SPOCK1: variants seen among roughly 807,000 people sequenced by gnomAD.
SPOCK1 encodes testican-1.
SPOCK1 carries 23 observed loss-of-function variants against 55.3 expected under a neutral mutation model. The observed-to-expected ratio is 0.42, with a 90% CI of 0.30 to 0.59. SPOCK1 has a LOEUF of 0.59. Among genes scored for constraint, SPOCK1 ranks in the 20% least tolerant of loss-of-function variants. The pLI, the probability that SPOCK1 is intolerant of heterozygous loss-of-function variation, is 0.22. For missense variants in SPOCK1, 499 were observed against 552.5 expected, an observed-to-expected ratio of 0.90 and a Z score of 0.97; for synonymous variants, 226 against 221.0, an observed-to-expected ratio of 1.02 and a Z score of -0.20.
chr5:137,385,458 T>A (rs10479154), intron 2 of SPOCK1, among the ~76,000 whole-genome samples: 19,872 of 152,240 alleles, frequency 0.13, 3,373 homozygotes, highest in African/African-American at 0.4. Context: ...CACTTCAGAC[T>A]TTGCATACAT....
chr5:137,372,950 G>C (rs1751233197), intron 2 of SPOCK1, among the ~76,000 whole-genome samples: 1 of 152,202 alleles, frequency 6.6e-6, no homozygotes, highest in South Asian at 2.1e-4. Flanking sequence ...GCTATGGTTT[G>C]AATGTGTCCA....
chr5:137,313,607 T>C (rs557251215), intron 2 of SPOCK1: 23 of 381,342 alleles, frequency 6.0e-5, no homozygotes, highest in Non-Finnish European at 8.3e-5. Flanking sequence ...TCCCAGAACA[T>C]ATTGCTACTT....
chr5:137,093,177 T>C (rs745801875), intron 5 of SPOCK1, among the ~76,000 whole-genome samples: 1 of 152,188 alleles, frequency 6.6e-6, no homozygotes, highest in Non-Finnish European at 1.5e-5. Flanking sequence ...GAGGGGACAT[T>C]CAAATCATAG....
At chr5:137,171,310 T>C (rs1754751144) in intron 3 of SPOCK1, among the ~76,000 whole-genome samples, 3 of 152,148 alleles carry the variant, frequency 2.0e-5, no homozygotes, top group African/African-American at 7.2e-5. Context: ...CTTGCATATC[T>C]TTCTCCCTGA....
At chr5:137,387,914 G>A (rs1461971434) in intron 2 of SPOCK1, among the ~76,000 whole-genome samples, 1 of 152,136 alleles carries the variant, frequency 6.6e-6, no homozygotes, top group Non-Finnish European at 1.5e-5. Flanking sequence ...GCTATATACA[G>A]TTTGTAACCC....
rs900240142 is a variant in SPOCK1, at chr5:136,978,162, G to T, written c.*492C>A. The T allele has an allele frequency of 2.1e-5, 8 of 381,838 alleles. No individual in the cohort carries two copies. The highest frequency in any genetic ancestry group is 6.5e-4 in the Middle Eastern group (1 of 1,542). The allele number at this position is 381,838 out of a possible 1,614,324, so 23.7% of individuals were successfully genotyped here. ...TAATAATAATCACCGGCAGTAACGG[G>T]GGCAGGGGGAAAAAGTACAGTGTGG... On this transcript the variant is annotated 3_prime_UTR_variant, in exon 11 of 11. Coordinates refer to ENST00000394945, the MANE Select transcript of SPOCK1 (RefSeq NM_004598.4).
intron 3 of SPOCK1, among the ~76,000 whole-genome samples, chr5:137,242,243 G>T (rs2127100802): frequency 6.6e-6 from 1 of 152,218 alleles, no homozygotes; most frequent in African/African-American, 2.4e-5. Context: ...ATCTTGAATT[G>T]TAGCTCCCAT....
At chr5:137,322,821 T>G (rs1758003826) in intron 2 of SPOCK1, among the ~76,000 whole-genome samples, 1 of 152,158 alleles carries the variant, frequency 6.6e-6, no homozygotes, top group Non-Finnish European at 1.5e-5. Flanking sequence ...ACTGGACAAT[T>G]TATAATAAAC....
At chr5:137,155,712 A>G (rs1468521865) in intron 3 of SPOCK1, among the ~76,000 whole-genome samples, 1 of 152,236 alleles carries the variant, frequency 6.6e-6, no homozygotes, top group Non-Finnish European at 1.5e-5. Context: ...TAATTCAAAC[A>G]GTATCCATTT....
chr5:137,498,993 G>A (rs1451393811), intron 1 of SPOCK1, among the ~76,000 whole-genome samples, 186 bp downstream of exon 1: 15 of 151,976 alleles, frequency 9.9e-5, no homozygotes. Flanking sequence ...CGGGGTGGGG[G>A]CTGCCAGCAG....
chr5:137,229,616 A>G (rs1208959096), intron 3 of SPOCK1, among the ~76,000 whole-genome samples: 1 of 152,226 alleles, frequency 6.6e-6, no homozygotes, highest in Non-Finnish European at 1.5e-5. Flanking sequence ...CGAGAGATGT[A>G]TTAAGCTAGG....
chr5:137,167,720 T>C (rs968111015), intron 3 of SPOCK1, among the ~76,000 whole-genome samples: 1 of 151,948 alleles, frequency 6.6e-6, no homozygotes, highest in Non-Finnish European at 1.5e-5. Flanking sequence ...GAATGACCAG[T>C]GGATCAGTGA....
chr5:137,265,139 T>C (rs1208755316), intron 3 of SPOCK1, among the ~76,000 whole-genome samples: 1 of 152,196 alleles, frequency 6.6e-6, no homozygotes, highest in African/African-American at 2.4e-5. Flanking sequence ...AAGACGGTGA[T>C]TTTGTGGTTC....
chr5:137,149,857 A>G (rs1335865982), intron 3 of SPOCK1, among the ~76,000 whole-genome samples: 2 of 152,166 alleles, frequency 1.3e-5, no homozygotes, highest in African/African-American at 4.8e-5. Context: ...CAGCTTTGCC[A>G]CTTCTTGCCT....
chr5:137,208,467 A>G (rs1755556391), intron 3 of SPOCK1, among the ~76,000 whole-genome samples: 1 of 152,176 alleles, frequency 6.6e-6, no homozygotes, highest in South Asian at 2.1e-4. Flanking sequence ...CATATCTGAA[A>G]TTCAGTGGAT....
At chr5:137,290,303 C>T (rs1475216247) in intron 2 of SPOCK1, among the ~76,000 whole-genome samples, 1 of 152,092 alleles carries the variant, frequency 6.6e-6, no homozygotes, top group Non-Finnish European at 1.5e-5. Context: ...ATGATATTAC[C>T]TACATAACAG....
At chr5:137,321,604 G>T (rs574660302) in intron 2 of SPOCK1, among the ~76,000 whole-genome samples, 1 of 152,108 alleles carries the variant, frequency 6.6e-6, no homozygotes. Flanking sequence ...GGGCCAGGGC[G>T]GTGGTTCACG....
chr5:137,360,601 T>C (rs1231061524), intron 2 of SPOCK1, among the ~76,000 whole-genome samples: 1 of 152,254 alleles, frequency 6.6e-6, no homozygotes, highest in Non-Finnish European at 1.5e-5. Flanking sequence ...CCTCACTTTA[T>C]TTCTAAAGGG....
chr5:137,269,674 T>C (rs1165316671), intron 2 of SPOCK1, among the ~76,000 whole-genome samples: 1 of 152,158 alleles, frequency 6.6e-6, no homozygotes, highest in Non-Finnish European at 1.5e-5. Context: ...TCTGGGAGAA[T>C]TCTGGTGAGG....
Sources: gnomAD v4.1 joint callset for allele counts (sites outside exome capture counted in the v4.1 genomes callset) on GRCh38, gnomAD v4.1.1 for gene constraint, MANE v1.5 for transcripts, NCBI Gene and HGNC (gene_info 2026-07-23, HGNC 2026-07-21) for gene names.